CD83: variants seen among roughly 807,000 people sequenced by gnomAD.
CD83 encodes CD83 molecule, also known as CD83 antigen.
Under a neutral mutation model 24.6 loss-of-function variants are expected in CD83, and 22 were observed. The observed-to-expected ratio is 0.90, with a 90% CI of 0.64 to 1.28. The LOEUF (loss-of-function observed/expected upper bound fraction) is 1.28. Among genes scored for constraint, CD83 ranks in the 50% most tolerant of loss-of-function variants. CD83 has a pLI of 0.00. For missense variants in CD83, 253 were observed against 252.8 expected (o/e 1.00, Z -0.01); for synonymous variants, 101 against 103.5 (o/e 0.98, Z 0.14).
intron 2 of CD83, among the ~76,000 whole-genome samples, chr6:14,122,392 T>C (rs1420433232): frequency 6.6e-6 from 1 of 152,124 alleles, no homozygotes; most frequent in Non-Finnish European, 1.5e-5. Flanking sequence ...AAACCAGGGA[T>C]ACTGAGGAGA....
Position 14,129,708 on chromosome 6 carries a change from C to T in CD83, c.154-1812C>T, listed in dbSNP as rs1759901902. ...GAGCAGGTTTTCTTGCAGGAGCGAT[C>T]AATCTGCCACCAGATGTCTCTGTAG... On this transcript the variant is annotated intron_variant, in intron 2 of 4. Coordinates refer to ENST00000379153, the MANE Select transcript of CD83 (RefSeq NM_004233.4). The surrounding 1 kb of genome is among the most constrained non-coding windows in gnomAD (Gnocchi z 4.3). Among the ~76,000 whole-genome samples the T allele has an allele frequency of 6.6e-6, 1 of 152,178 alleles. No individual in the cohort carries two copies. The highest frequency in any genetic ancestry group is 2.4e-5 in the African/African-American group (1 of 41,444).
intron 2 of CD83, among the ~76,000 whole-genome samples, chr6:14,125,655 GT>G (rs1168968982): frequency 1.6e-4 from 24 of 152,306 alleles, no homozygotes; most frequent in African/African-American, 5.8e-4. Context: ...CTCAGAGCTT[GT>G]AATGGTACCT....
At chr6:14,126,949 A>G (rs1197112194) in intron 2 of CD83, among the ~76,000 whole-genome samples, 2 of 151,364 alleles carry the variant, frequency 1.3e-5, no homozygotes, top group African/African-American at 2.4e-5. Context: ...TTTTTCTTTT[A>G]GGTAGGTACC....
chr6:14,120,257 C>A (rs1422663860), intron 2 of CD83, among the ~76,000 whole-genome samples: 2 of 152,098 alleles, frequency 1.3e-5, no homozygotes, highest in African/African-American at 4.8e-5. Flanking sequence ...TTTAAAACAG[C>A]TCTCAGCATG....
chr6:14,132,822 C>T lies in CD83; in HGVS notation c.383-827C>T, dbSNP rs137982222. On this transcript the variant is annotated intron_variant, in intron 3 of 4. Coordinates refer to ENST00000379153, the MANE Select transcript of CD83 (RefSeq NM_004233.4). Reference sequence around the variant, plus strand: ...TTGGCTCCAATGGCAGAACCCCCTCCGCTCACTTGCACTCCACCTGCTCCT... The same window carrying T: ...TTGGCTCCAATGGCAGAACCCCCTCTGCTCACTTGCACTCCACCTGCTCCT... 1.5e-4 allele frequency among the ~76,000 whole-genome samples: 23 copies of T among 152,180 alleles called. No homozygotes were observed. In the South Asian group the frequency reaches 1.9e-3, roughly 12 times the overall value.
chr6:14,129,542 CT>C lies in CD83; in HGVS notation c.154-1974del, dbSNP rs1759898275. Among the ~76,000 whole-genome samples the C allele has an allele frequency of 6.6e-6, 1 of 152,190 alleles. No individual in the cohort carries two copies. Among genetic ancestry groups the C allele is most frequent in the African/African-American group, 2.4e-5 (1 of 41,438 alleles). ...TTTTTGCACACCTATGGGCCCCAGT[CT>C]TTTAGCTTCCTCCCATAGATTCTTG... is the stretch of plus-strand genomic sequence containing the variant. On this transcript the variant is annotated intron_variant, in intron 2 of 4. Coordinates refer to ENST00000379153, the MANE Select transcript of CD83 (RefSeq NM_004233.4). This position sits in a 1 kb window ranked among gnomAD's most constrained non-coding sequence, Gnocchi z 4.3.
intron 4 of CD83, 25 bp downstream of exon 4, chr6:14,133,780 C>T (rs747700115): frequency 2.8e-6 from 4 of 1,453,672 alleles, no homozygotes; most frequent in East Asian, 4.5e-5. Flanking sequence ...AAAACATCTT[C>T]TCTTATTAAA....
At chr6:14,128,203 C>T (rs1561830975) in intron 2 of CD83, among the ~76,000 whole-genome samples, 1 of 152,204 alleles carries the variant, frequency 6.6e-6, no homozygotes, top group African/African-American at 2.4e-5. Context: ...AAATTTCCCT[C>T]CAGTTTTTGG....
At chr6:14,117,697 G>A, upstream of CD83, 1 of 728,974 alleles carries the variant, frequency 1.4e-6, no homozygotes. This position sits in a 1 kb window ranked among gnomAD's most constrained non-coding sequence, Gnocchi z 4.6. Flanking sequence ...CTGCCCGCCG[G>A]GGAATCCCCC....
chr6:14,124,326 A>C (rs1414180477), intron 2 of CD83, among the ~76,000 whole-genome samples: 1 of 152,224 alleles, frequency 6.6e-6, no homozygotes, highest in Non-Finnish European at 1.5e-5. Flanking sequence ...GGGGTTACCG[A>C]TTAGAATCGG....
intron 3 of CD83, among the ~76,000 whole-genome samples, chr6:14,132,269 C>T (rs778385038): frequency 6.6e-5 from 10 of 152,180 alleles, no homozygotes; most frequent in Non-Finnish European, 2.9e-5. Context: ...GAACAAGAAC[C>T]TCTGCGTTTT....
chr6:14,119,534 G>A (rs1003525503), intron 2 of CD83, among the ~76,000 whole-genome samples: 1 of 152,200 alleles, frequency 6.6e-6, no homozygotes, highest in Non-Finnish European at 1.5e-5. Flanking sequence ...AGGAAACTGA[G>A]CCTTAGGGAG....
upstream of CD83, chr6:14,117,421 G>C (rs1759550565): frequency 6.6e-6 from 1 of 152,122 alleles, no homozygotes; most frequent in Non-Finnish European, 1.5e-5. The surrounding 1 kb of genome is among the most constrained non-coding windows in gnomAD (Gnocchi z 4.6). Flanking sequence ...TCCTTTTGCG[G>C]GTCAACGGCA....
In CD83 at chr6:14,136,463, A is replaced by AGG. The variant is rs1316098105; in HGVS notation, c.*1229_*1230dup. 1.3e-5 allele frequency: 2 copies of AGG among 152,252 alleles called. No individual in the cohort carries two copies. The highest frequency in any genetic ancestry group is 2.9e-5 in the Non-Finnish European group (2 of 68,048). The allele number at this position is 152,252 out of a possible 1,614,324, so 9.4% of individuals were successfully genotyped here. On this transcript the variant is annotated 3_prime_UTR_variant, in exon 5 of 5. Transcript: ENST00000379153. Reference sequence around the variant, plus strand: ...TGGACACACGGGAGCCGCTGGCAGAAGGGACTTCACGAAGTGTTGCATGGA... The same window carrying AGG: ...TGGACACACGGGAGCCGCTGGCAGAAGGGGGACTTCACGAAGTGTTGCATGGA...
intron 2 of CD83, among the ~76,000 whole-genome samples, chr6:14,122,042 C>T (rs1399997811): frequency 6.6e-6 from 1 of 152,092 alleles, no homozygotes; most frequent in Non-Finnish European, 1.5e-5. Context: ...CTGGGTGATG[C>T]TGCGGGGGTG....
intron 2 of CD83, among the ~76,000 whole-genome samples, chr6:14,123,057 G>A (rs908416499): frequency 2.0e-5 from 3 of 151,948 alleles, no homozygotes; most frequent in African/African-American, 4.8e-5. Context: ...CCTTTTGGCA[G>A]TAAGGAGCCA....
Position 14,122,374 on chromosome 6 carries a change from G to A in CD83, c.153+4309G>A, listed in dbSNP as rs185509601. Among the ~76,000 whole-genome samples the A allele has an allele frequency of 6.6e-5, 10 of 152,272 alleles. No homozygotes were observed. The East Asian group carries it at 1.9e-3, about 29-fold the overall frequency. On this transcript the variant is annotated intron_variant, in intron 2 of 4. Coordinates refer to ENST00000379153, the MANE Select transcript of CD83 (RefSeq NM_004233.4). ...TGTCTCTACCATCTTGTGTGATAAT[G>A]AGCTACAAAACCAGGGATACTGAGG...
intron 2 of CD83, among the ~76,000 whole-genome samples, 172 bp from the exon 3 acceptor site, chr6:14,131,348 G>C (rs1176237034): frequency 6.6e-6 from 1 of 152,136 alleles, no homozygotes; most frequent in African/African-American, 2.4e-5. Flanking sequence ...ATGTAGCCTT[G>C]GGAATTTTCA....
At chr6:14,118,876 A>C (rs549400493) in intron 2 of CD83, among the ~76,000 whole-genome samples, 1 of 152,350 alleles carries the variant, frequency 6.6e-6, no homozygotes, top group African/African-American at 2.4e-5. Flanking sequence ...CTGCTACCAC[A>C]GCACCTCCAT....
Sources: gnomAD v4.1 joint callset for allele counts (sites outside exome capture counted in the v4.1 genomes callset) on GRCh38, gnomAD v4.1.1 for gene constraint, Gnocchi (gnomAD v3.1) non-coding constraint, MANE v1.5 for transcripts, NCBI Gene and HGNC (gene_info 2026-07-23, HGNC 2026-07-21) for gene names.